Variants in EARS2 observed in about 807,000 individuals in gnomAD.
EARS2 encodes glutamyl-tRNA synthetase 2, mitochondrial.
A neutral mutation model predicts 54.1 loss-of-function variants in EARS2; 50 were observed. The observed-to-expected ratio is 0.92, with a 90% CI of 0.74 to 1.17. The LOEUF is 1.17. Ranked by LOEUF, EARS2 falls within the 50% of genes most tolerant of loss-of-function variation. The pLI is 0.00. For missense variants in EARS2, 673 were observed against 675.0 expected (o/e 1.00, Z 0.03); for synonymous variants, 298 against 281.0 (o/e 1.06, Z -0.61).
At chr16:23,552,843 C>T (rs541824537) in intron 1 of EARS2, among the ~76,000 whole-genome samples, 2 of 152,324 alleles carry the variant, frequency 1.3e-5, no homozygotes, top group South Asian at 4.1e-4. Context: ...TCAGGCTGAT[C>T]TCGAACTCCT....
At chr16:23,542,832 G>A (rs537718161) in intron 3 of EARS2, among the ~76,000 whole-genome samples, 16 of 151,896 alleles carry the variant, frequency 1.1e-4, no homozygotes, top group Non-Finnish European at 2.2e-4. Flanking sequence ...ATGCTCCAAT[G>A]GTCCAGGTGC....
At chr16:23,549,642 G>C (rs1240879741) in intron 2 of EARS2, among the ~76,000 whole-genome samples, 3 of 152,138 alleles carry the variant, frequency 2.0e-5, no homozygotes, top group Non-Finnish European at 4.4e-5. Flanking sequence ...TTTTTGTAGA[G>C]ATGAGGTCTC....
chr16:23,549,984 C>G (rs1965666192), intron 2 of EARS2, among the ~76,000 whole-genome samples: 1 of 152,192 alleles, frequency 6.6e-6, no homozygotes, highest in Non-Finnish European at 1.5e-5. Context: ...ACTGCCCTAT[C>G]TACAAGGGCA....
intron 7 of EARS2, among the ~76,000 whole-genome samples, chr16:23,528,916 T>C (rs11642434): frequency 0.73 from 110,312 of 151,974 alleles, 40,807 homozygotes; most frequent in Non-Finnish European, 0.81. Flanking sequence ...AGTCTTGCCC[T>C]CTAGTTACCT....
intron 8 of EARS2, chr16:23,524,977 G>A: frequency 1.7e-6 from 1 of 586,120 alleles, no homozygotes; most frequent in Non-Finnish European, 3.0e-6. Flanking sequence ...CTGTTGCTAG[G>A]TCTGTTATCC....
In EARS2 at chr16:23,552,163, A is replaced by G; in HGVS notation, c.281T>C (p.Met94Thr). 1.2e-6 allele frequency: 2 copies of G among 1,613,880 alleles called. No homozygotes were observed. Among genetic ancestry groups the G allele is most frequent in the East Asian group, 2.2e-5 (1 of 44,868 alleles). Residue 94 changes from methionine (M) to threonine (T), a missense_variant, in exon 2 of 9, where the codon ATG becomes ACG. Physicochemically the swap from Met to Thr is moderately conservative, Grantham distance 81. Coordinates refer to ENST00000449606, the MANE Select transcript of EARS2 (RefSeq NM_001083614.2). The stretch of plus-strand genomic sequence containing the variant: ...GCCAGGCTTACCTGCCCACTCCAGC[A>G]TGTCCTCAATATTCTCCGCTGCCCC... ...VPGAAENIED[M>T]LEWAGIPPDE...
chr16:23,525,617 G>A (rs1301585647), intron 7 of EARS2, among the ~76,000 whole-genome samples: 2 of 152,182 alleles, frequency 1.3e-5, no homozygotes, highest in African/African-American at 4.8e-5. Context: ...GGAGGTAAGA[G>A]GTGCCATAAG....
intron 4 of EARS2, among the ~76,000 whole-genome samples, chr16:23,534,004 C>T (rs1331372375): frequency 6.6e-6 from 1 of 151,232 alleles, no homozygotes; most frequent in African/African-American, 2.4e-5. Flanking sequence ...TGCGGTGAGC[C>T]GAGATCGCGC....
intron 3 of EARS2, among the ~76,000 whole-genome samples, chr16:23,544,073 A>G (rs570145338): frequency 6.6e-6 from 1 of 152,334 alleles, no homozygotes; most frequent in Admixed American, 6.5e-5. Flanking sequence ...TACATAGCCT[A>G]TAAAACAAAA....
intron 2 of EARS2, among the ~76,000 whole-genome samples, chr16:23,551,781 C>A (rs971109396): frequency 6.6e-6 from 1 of 152,040 alleles, no homozygotes; most frequent in African/African-American, 2.4e-5. Flanking sequence ...CTTAGCCGGG[C>A]GTGGTGGCGG....
In EARS2 at chr16:23,544,501, C is replaced by T. The variant is rs1379498430; in HGVS notation, c.485+13G>A. The T allele has an allele frequency of 5.6e-6, 9 of 1,610,222 alleles. No individual in the cohort carries two copies. Among genetic ancestry groups the T allele is most frequent in the Non-Finnish European group, 7.6e-6 (9 of 1,177,790 alleles). ...ATGTTGATGAGGCATCTGCAACAAG[C>T]TGAGGTTCTTACCGGGGCGTCTGGT... On this transcript the variant is annotated intron_variant, in intron 3 of 8. Coordinates refer to ENST00000449606, the MANE Select transcript of EARS2 (RefSeq NM_001083614.2).
chr16:23,539,163 G>A (rs976995587), intron 3 of EARS2, among the ~76,000 whole-genome samples: 2 of 151,940 alleles, frequency 1.3e-5, no homozygotes, highest in African/African-American at 4.8e-5. Context: ...CTTTAATATA[G>A]ATAGGGTTTC....
At chr16:23,527,216 TC>T (rs1489232036) in intron 7 of EARS2, among the ~76,000 whole-genome samples, 1 of 151,966 alleles carries the variant, frequency 6.6e-6, no homozygotes, top group East Asian at 1.9e-4. Context: ...TCCTCCCCAT[TC>T]ACCCTCCCAG....
At position 23,521,606 on chromosome 16, in the gene EARS2, C is replaced by T. The variant is rs1219229176; in HGVS notation, c.*2765G>A. 6.6e-6 allele frequency among the ~76,000 whole-genome samples: 1 copy of T among 152,070 alleles called. No homozygotes were observed. The highest frequency in any genetic ancestry group is 1.9e-4 in the East Asian group (1 of 5,186). On this transcript the variant is annotated 3_prime_UTR_variant, in exon 9 of 9. Transcript: ENST00000449606. ...TAGAGACAGGATCTCACTATGTTGCCCAGGCTGGTCTCCAAACTCCTGGCC... is the reference window on the plus strand; with the variant it reads ...TAGAGACAGGATCTCACTATGTTGCTCAGGCTGGTCTCCAAACTCCTGGCC...
chr16:23,524,833 C>T (rs1387730419), intron 8 of EARS2, among the ~76,000 whole-genome samples: 2 of 151,958 alleles, frequency 1.3e-5, no homozygotes, highest in African/African-American at 4.8e-5. Context: ...TTAGTAGAGA[C>T]AAGGTTTCAC....
At chr16:23,544,731 A>C in intron 2 of EARS2, 28 bp from the exon 3 acceptor site, 1 of 1,564,606 alleles carries the variant, frequency 6.4e-7, no homozygotes, top group South Asian at 1.2e-5. Context: ...ATGACAGCTA[A>C]GGTGCACACA....
intron 2 of EARS2, 61 bp downstream of exon 2, chr16:23,552,088 G>A (rs894370235): frequency 6.3e-7 from 1 of 1,578,610 alleles, no homozygotes; most frequent in Non-Finnish European, 8.6e-7. Flanking sequence ...AAGACCCACA[G>A]GCTCCTTTTC....
chr16:23,528,970 G>T (rs1443924675), intron 7 of EARS2, among the ~76,000 whole-genome samples: 1 of 152,220 alleles, frequency 6.6e-6, no homozygotes, highest in Non-Finnish European at 1.5e-5. Context: ...TCGGCGAGTA[G>T]GGGCAGAAGG....
At chr16:23,543,328 C>T (rs947948700) in intron 3 of EARS2, among the ~76,000 whole-genome samples, 1 of 151,094 alleles carries the variant, frequency 6.6e-6, no homozygotes, top group Admixed American at 6.6e-5. Context: ...GGGGGCACTG[C>T]GTGAGTCCAG....
Sources: allele counts gnomAD v4.1 joint callset (sites outside exome capture counted in the v4.1 genomes callset), GRCh38; gene constraint gnomAD v4.1.1; transcripts MANE v1.5; gene names NCBI Gene and HGNC (gene_info 2026-07-23, HGNC 2026-07-21).